Variants in CFAP43 observed in about 807,000 individuals in gnomAD.
CFAP43 encodes cilia- and flagella-associated protein 43.
CFAP43 carries 155 observed loss-of-function variants against 218.9 expected under a neutral mutation model. That is an observed-to-expected ratio of 0.71 (90% CI 0.62 to 0.81). The LOEUF (loss-of-function observed/expected upper bound fraction) is 0.81, where lower values mean the gene tolerates loss of function less well. Ranked by LOEUF, CFAP43 falls within the 30% of genes least tolerant of loss-of-function variation. The probability of loss-of-function intolerance (pLI) is 0.00; values close to 1 mark genes in which losing one functional copy is unlikely to be tolerated. For synonymous variants in CFAP43, 645 were observed against 681.3 expected, an observed-to-expected ratio of 0.95 and a Z score of 0.83; for missense variants, 1,778 against 1,954.3, an observed-to-expected ratio of 0.91 and a Z score of 1.70.
At chr10:104,188,036 C>A (rs1003536041) in intron 13 of CFAP43, among the ~76,000 whole-genome samples, 1 of 152,114 alleles carries the variant, frequency 6.6e-6, no homozygotes, top group African/African-American at 2.4e-5. Flanking sequence ...TTGATGTGTC[C>A]GTTGATCCTA....
chr10:104,173,380 T>C (rs581533), intron 19 of CFAP43, among the ~76,000 whole-genome samples: 51,730 of 152,030 alleles, frequency 0.34, 9,041 homozygotes, highest in African/African-American at 0.42. Flanking sequence ...ATCACAGCCC[T>C]GAATGCCCTC....
At chr10:104,224,628 A>T (rs756489166) in intron 3 of CFAP43, among the ~76,000 whole-genome samples, 1 of 151,474 alleles carries the variant, frequency 6.6e-6, no homozygotes, top group Non-Finnish European at 1.5e-5. Flanking sequence ...GATGGCGGGT[A>T]CATGTAACCC....
chr10:104,185,199 G>A (rs994610956), intron 15 of CFAP43, 53 bp from the exon 16 acceptor site: 15 of 1,605,758 alleles, frequency 9.3e-6, no homozygotes, highest in Admixed American at 1.7e-5. Flanking sequence ...TCTACCACAC[G>A]GCTTTTCTAA....
chr10:104,180,002 T>C, intron 17 of CFAP43, 70 bp from the exon 18 acceptor site: 1 of 1,166,818 alleles, frequency 8.6e-7, no homozygotes, highest in South Asian at 1.3e-5. Context: ...CCTCCCACCC[T>C]ACCACATGTA....
At chr10:104,152,420 T>A (rs2088309150) in intron 28 of CFAP43, among the ~76,000 whole-genome samples, 187 bp downstream of exon 28, 2 of 151,908 alleles carry the variant, frequency 1.3e-5, no homozygotes, top group Non-Finnish European at 2.9e-5. Context: ...ATTGGGTGTG[T>A]TCAAGATGTT....
rs1554856620 is a variant in CFAP43, at chr10:104,136,276, A to AAAAAAG, written c.4432-2493_4432-2492insCTTTTT. ...TCCATTTCAAAAAAAAAAAAAAAAA[A>AAAAAAG]AAGAAGAAAAGAAAAGAAGAAAGAA... is the stretch of plus-strand genomic sequence containing the variant. On this transcript the variant is annotated intron_variant, in intron 34 of 37. Transcript: ENST00000357060. Among the ~76,000 whole-genome samples the AAAAAAG allele has an allele frequency of 1.1e-3, 146 of 134,048 alleles. 18 individuals are homozygous for AAAAAAG. The highest frequency in any genetic ancestry group is 4.1e-3 in the African/African-American group (137 of 33,404). 87.9% of individuals were successfully genotyped at this position (134,048 alleles called of 152,430 possible). A position where few individuals can be genotyped will look rare whatever the true frequency, so the allele number is the denominator to read the frequency against.
At chr10:104,218,710 G>A (rs2134990780) in intron 3 of CFAP43, 3 of 504,332 alleles carry the variant, frequency 5.9e-6, no homozygotes, top group South Asian at 4.6e-5. Flanking sequence ...TGCAAGCCCT[G>A]CATTTCAACA....
intron 30 of CFAP43, 64 bp from the exon 31 acceptor site, chr10:104,145,628 T>C: frequency 9.1e-7 from 1 of 1,099,166 alleles, no homozygotes; most frequent in Non-Finnish European, 1.3e-6. Flanking sequence ...TTGTTGACAA[T>C]ACTCTTCAAA....
chr10:104,232,178 G>T lies in CFAP43; in HGVS notation c.65+4C>A, dbSNP rs1298850912. ...GATCGGTCGCGGGGCCGTGAACACCGCACCTCACGGACAAGGACGCGCCGC... is the reference window on the plus strand; with the variant it reads ...GATCGGTCGCGGGGCCGTGAACACCTCACCTCACGGACAAGGACGCGCCGC... On this transcript the variant is annotated splice_donor_region_variant and intron_variant, in intron 1 of 37. Transcript: ENST00000357060. 3 of 1,608,258 alleles carry T rather than the reference G, an allele frequency of 1.9e-6. No individual in the cohort carries two copies. Among genetic ancestry groups the T allele is most frequent in the Admixed American group, 3.4e-5 (2 of 59,512 alleles).
chr10:104,141,780 A>T (rs2087717459), intron 33 of CFAP43, among the ~76,000 whole-genome samples: 1 of 152,200 alleles, frequency 6.6e-6, no homozygotes, highest in South Asian at 2.1e-4. Flanking sequence ...GTTCTCAATG[A>T]ATTTGGGAAC....
chr10:104,130,669 AC>A (rs1289322163), intron 37 of CFAP43, among the ~76,000 whole-genome samples: 1 of 152,188 alleles, frequency 6.6e-6, no homozygotes, highest in Non-Finnish European at 1.5e-5. Flanking sequence ...TGGGAGCTAA[AC>A]AGTGGATACT....
intron 3 of CFAP43, among the ~76,000 whole-genome samples, chr10:104,221,798 A>C (rs543189372): frequency 6.6e-6 from 1 of 152,232 alleles, no homozygotes; most frequent in Admixed American, 6.5e-5. Flanking sequence ...TAAAATGAGG[A>C]CCATCATAGA....
At chr10:104,165,337 C>A (rs150266295) in intron 23 of CFAP43, among the ~76,000 whole-genome samples, 174 of 152,318 alleles carry the variant, frequency 1.1e-3, no homozygotes, top group African/African-American at 3.9e-3. Context: ...ACAAAAATTT[C>A]TCTTGGGCTG....
chr10:104,163,984 A>G, intron 24 of CFAP43, 110 bp downstream of exon 24: 7 of 1,004,522 alleles, frequency 7.0e-6, no homozygotes, highest in Non-Finnish European at 1.0e-5. Context: ...CCTGCAACTG[A>G]GAGTGCTACC....
chr10:104,148,349 C>A (rs144627672), intron 28 of CFAP43, among the ~76,000 whole-genome samples: 1 of 152,094 alleles, frequency 6.6e-6, no homozygotes, highest in Non-Finnish European at 1.5e-5. Flanking sequence ...AAATCTCAAC[C>A]CCAGTACTAA....
Position 104,205,953 on chromosome 10 carries a change from A to C in CFAP43, c.963+10T>G. ...TTAAACCAATTAATTTGAAAAAAAG[A>C]ATACATTACAATTCCAGAAGCCAGC... On this transcript the variant is annotated intron_variant, in intron 7 of 37. Coordinates refer to ENST00000357060, the MANE Select transcript of CFAP43 (RefSeq NM_025145.7). 6.2e-7 allele frequency: 1 copy of C among 1,601,324 alleles called. No individual in the cohort carries two copies. The highest frequency in any genetic ancestry group is 2.2e-5 in the East Asian group (1 of 44,746).
chr10:104,192,104 AT>A (rs1345296211), intron 12 of CFAP43, 94 bp downstream of exon 12: 1 of 912,838 alleles, frequency 1.1e-6, no homozygotes, highest in Non-Finnish European at 1.6e-6. Flanking sequence ...GCCACAAATA[AT>A]TGTTTCAATA....
chr10:104,220,082 T>C (rs770925929), intron 3 of CFAP43, among the ~76,000 whole-genome samples: 18 of 152,134 alleles, frequency 1.2e-4, no homozygotes, highest in Non-Finnish European at 1.0e-4. Context: ...TGTTCTTATA[T>C]AAAGGGAACA....
intron 2 of CFAP43, among the ~76,000 whole-genome samples, chr10:104,228,197 A>G (rs917078524): frequency 2.0e-5 from 3 of 151,964 alleles, no homozygotes; most frequent in African/African-American, 7.2e-5. Context: ...GCTTTTTTTC[A>G]TCTGATATAG....
Sources: gnomAD v4.1 joint callset for allele counts (sites outside exome capture counted in the v4.1 genomes callset) on GRCh38, gnomAD v4.1.1 for gene constraint, MANE v1.5 for transcripts, NCBI Gene and HGNC (gene_info 2026-07-23, HGNC 2026-07-21) for gene names.